Variants in AFF4 observed in about 807,000 individuals in gnomAD.
The protein encoded by AFF4 is AF4/FMR2 family member 4.
A neutral mutation model predicts 124.8 loss-of-function variants in AFF4; 13 were observed. That is an observed-to-expected ratio of 0.10 (90% confidence interval 0.07 to 0.17). The LOEUF is 0.17. AFF4 is among the 10% of genes least tolerant of loss of function. AFF4 has a pLI of 1.00. For synonymous variants in AFF4, 477 were observed against 496.1 expected, an observed-to-expected ratio of 0.96 and a Z score of 0.51; for missense variants, 1,092 against 1,403.8, an observed-to-expected ratio of 0.78 and a Z score of 3.55.
intron 16 of AFF4, 88 bp downstream of exon 16, chr5:132,887,758 C>G: frequency 6.5e-7 from 1 of 1,547,492 alleles, no homozygotes; most frequent in Non-Finnish European, 8.8e-7. Flanking sequence ...ATTATACACC[C>G]TCTTCAGTTT....
chr5:132,936,462 T>C (rs1294380560), intron 2 of AFF4, among the ~76,000 whole-genome samples: 1 of 152,108 alleles, frequency 6.6e-6, no homozygotes, highest in Admixed American at 6.6e-5. Flanking sequence ...ATCAGACTGA[T>C]ACTGAAGACA....
intron 3 of AFF4, among the ~76,000 whole-genome samples, chr5:132,933,123 C>T (rs1050373380): frequency 6.6e-6 from 1 of 152,048 alleles, no homozygotes; most frequent in African/African-American, 2.4e-5. Context: ...TGGGGCCAGG[C>T]GCGGTGGCTC....
Position 132,896,639 on chromosome 5 carries a change from T to C in AFF4, c.1991A>G (p.Gln664Arg). The change falls in exon 11 of 21, where the codon CAA (glutamine) becomes CGA (arginine). Residue 664 changes from glutamine to arginine, a missense_variant. Gln to Arg is a conservative substitution (Grantham distance 43, BLOSUM62 1). Coordinates refer to ENST00000265343, the MANE Select transcript of AFF4 (RefSeq NM_014423.4). Reference protein sequence around the residue: ...DESESLPPSSQTPKYPESNRT... With the variant: ...DESESLPPSSRTPKYPESNRT... ...ATTGCTCTCGGGGTACTTAGGAGTTTGTGAGGAAGGAGGAAGGCTCTCACT... is the reference window on the plus strand; with the variant it reads ...ATTGCTCTCGGGGTACTTAGGAGTTCGTGAGGAAGGAGGAAGGCTCTCACT... 1 of 1,614,074 alleles carries C rather than the reference T, an allele frequency of 6.2e-7. No individual in the cohort carries two copies. The highest frequency in any genetic ancestry group is 8.5e-7 in the Non-Finnish European group (1 of 1,179,992).
chr5:132,888,211 C>T, intron 14 of AFF4, 51 bp from the exon 15 acceptor site: 1 of 1,406,966 alleles, frequency 7.1e-7, no homozygotes, highest in Non-Finnish European at 9.8e-7. Context: ...TTTCATAATA[C>T]TAGTTCATTT....
chr5:132,952,064 T>G (rs936351587), intron 1 of AFF4, among the ~76,000 whole-genome samples: 19 of 152,214 alleles, frequency 1.2e-4, no homozygotes, highest in Non-Finnish European at 2.5e-4. Context: ...CCCCTTTCTC[T>G]GCCATTACAA....
chr5:132,899,062 C>T, intron 9 of AFF4, 42 bp downstream of exon 9: 1 of 1,585,628 alleles, frequency 6.3e-7, no homozygotes, highest in Non-Finnish European at 8.7e-7. Flanking sequence ...ATCAGGCTGA[C>T]CCAACTCTTA....
At chr5:132,891,999 A>C in intron 13 of AFF4, 165 bp downstream of exon 13, 1 of 1,089,606 alleles carries the variant, frequency 9.2e-7, no homozygotes, top group Non-Finnish European at 1.3e-6. Context: ...TCACAGTCTT[A>C]TATCACTGTA....
In AFF4 at chr5:132,889,233, T is replaced by C. The variant is rs182278850; in HGVS notation, c.2638-60A>G. On this transcript the variant is annotated intron_variant, in intron 13 of 20. Coordinates refer to ENST00000265343, the MANE Select transcript of AFF4 (RefSeq NM_014423.4). ...GTAAGGAGATTAAAAATGAAACTAA[T>C]AGCATTTCTTCAGCCACTGGTAAAA... 7.6e-5 allele frequency: 91 copies of C among 1,199,184 alleles called. No homozygotes were observed. The East Asian group carries it at 1.8e-3, about 24-fold the overall frequency. The allele number at this position is 1,199,184 out of a possible 1,614,324, so 74.3% of individuals were successfully genotyped here.
intron 1 of AFF4, among the ~76,000 whole-genome samples, chr5:132,942,452 CT>C (rs1761593046): frequency 6.8e-6 from 1 of 147,702 alleles, no homozygotes; most frequent in South Asian, 2.2e-4. Flanking sequence ...GAACTCAGTC[CT>C]TTTGACCTTT....
intron 1 of AFF4, among the ~76,000 whole-genome samples, chr5:132,958,636 A>G (rs1023257014): frequency 3.0e-4 from 46 of 152,286 alleles, no homozygotes; most frequent in Admixed American, 2.7e-3. Flanking sequence ...ACAAGTTAGA[A>G]GAAATAATAT....
At chr5:132,904,027 A>T in intron 6 of AFF4, 1 of 183,874 alleles carries the variant, frequency 5.4e-6, no homozygotes, top group East Asian at 1.2e-4. Context: ...GAGGCGAGGC[A>T]GGTGGATCAC....
At chr5:132,952,533 C>T (rs1761869335) in intron 1 of AFF4, among the ~76,000 whole-genome samples, 1 of 152,220 alleles carries the variant, frequency 6.6e-6, no homozygotes, top group Admixed American at 6.5e-5. Context: ...TGGTGCTCCA[C>T]CGTGCTCAGA....
intron 11 of AFF4, among the ~76,000 whole-genome samples, chr5:132,894,039 C>T (rs901701937): frequency 6.6e-6 from 1 of 152,178 alleles, no homozygotes; most frequent in Non-Finnish European, 1.5e-5. Context: ...ATAGTATTCA[C>T]TGCATAGAAT....
At chr5:132,945,935 C>G (rs931953796) in intron 1 of AFF4, among the ~76,000 whole-genome samples, 2 of 152,098 alleles carry the variant, frequency 1.3e-5, no homozygotes, top group Non-Finnish European at 2.9e-5. Flanking sequence ...TGGCGCAAGC[C>G]TGTAATCCCA....
chr5:132,886,246 A>G, intron 18 of AFF4, 64 bp downstream of exon 18: 1 of 1,410,440 alleles, frequency 7.1e-7, no homozygotes, highest in South Asian at 1.2e-5. Flanking sequence ...CAGTTCTCAG[A>G]TGGGGATGGG....
chr5:132,932,326 C>A, intron 3 of AFF4, 104 bp from the exon 4 acceptor site: 1 of 853,144 alleles, frequency 1.2e-6, no homozygotes, highest in Non-Finnish European at 1.8e-6. Context: ...CCCCACTACT[C>A]TAAATCAGTA....
intron 1 of AFF4, among the ~76,000 whole-genome samples, chr5:132,950,586 T>C (rs190992559): frequency 6.6e-5 from 10 of 152,014 alleles, no homozygotes; most frequent in African/African-American, 2.4e-4. Flanking sequence ...GAGGCAGAGG[T>C]TGCAGTGAGC....
intron 19 of AFF4, 145 bp from the exon 20 acceptor site, chr5:132,883,705 C>T (rs1760044370): frequency 3.0e-6 from 2 of 659,046 alleles, no homozygotes; most frequent in East Asian, 5.5e-5. Flanking sequence ...ACAATTTCTT[C>T]TAAATAAGTA....
intron 4 of AFF4, 33 bp from the exon 5 acceptor site, chr5:132,927,240 C>G (rs774992628): frequency 1.3e-6 from 2 of 1,588,966 alleles, no homozygotes; most frequent in South Asian, 1.1e-5. Flanking sequence ...TGTTTTCAAC[C>G]AGGTCAAGGA....
Sources: allele counts gnomAD v4.1 joint callset (sites outside exome capture counted in the v4.1 genomes callset), GRCh38; gene constraint gnomAD v4.1.1; transcripts MANE v1.5; gene names NCBI Gene and HGNC (gene_info 2026-07-23, HGNC 2026-07-21).